RWDD1: variants seen among roughly 807,000 people sequenced by gnomAD.
The protein encoded by RWDD1 is RWD domain containing 1.
In RWDD1, 17 loss-of-function variants were observed where a neutral mutation model predicts 31.6. That is an observed-to-expected ratio of 0.54 (90% CI 0.37 to 0.81). The LOEUF is 0.81. Among genes scored for constraint, RWDD1 ranks in the 30% least tolerant of loss-of-function variants. The pLI is 0.00. For missense variants in RWDD1, 204 were observed against 274.5 expected (o/e 0.74, Z 1.82); for synonymous variants, 78 against 94.2 (o/e 0.83, Z 0.99).
chr6:116,578,489 A>T (rs1333711593), intron 1 of RWDD1, among the ~76,000 whole-genome samples: 1 of 152,228 alleles, frequency 6.6e-6, no homozygotes, highest in Non-Finnish European at 1.5e-5. Flanking sequence ...CCCCTGACCT[A>T]TAGCCTCAGG....
At chr6:116,583,750 A>C (rs1357179238) in intron 2 of RWDD1, among the ~76,000 whole-genome samples, 2 of 152,224 alleles carry the variant, frequency 1.3e-5, no homozygotes, top group Non-Finnish European at 2.9e-5. Context: ...AAAATGTGCT[A>C]ATAAAAGAAG....
rs1160212333 is a variant in RWDD1 at position 116,596,949 on chromosome 6, T to TA, written c.*3848_*3849insA. On this transcript the variant is annotated 3_prime_UTR_variant, in exon 7 of 7. Coordinates refer to ENST00000466444, the MANE Select transcript of RWDD1 (RefSeq NM_015952.4). The stretch of plus-strand genomic sequence containing the variant: ...TGTAGCCACGCCAACAAATTTATTC[T>TA]GTGATATACCAAACTTACAAAGTCA... 1.3e-5 allele frequency: 2 copies of TA among 152,206 alleles called. No individual in the cohort carries two copies. Among genetic ancestry groups the TA allele is most frequent in the African/African-American group, 2.4e-5 (1 of 41,456 alleles). The allele number at this position is 152,206 out of a possible 1,614,324, so 9.4% of individuals were successfully genotyped here.
Position 116,590,912 on chromosome 6 carries a change from A to C in RWDD1, c.572A>C (p.His191Pro), listed in dbSNP as rs1237020369. 1 of 1,569,546 alleles carries C rather than the reference A, an allele frequency of 6.4e-7. No homozygotes were observed. The highest frequency in any genetic ancestry group is 8.6e-7 in the Non-Finnish European group (1 of 1,166,174). ...GGGAAACAACTATTTGAAACAGATC[A>C]TAATCTTGACACATCTGATATCCAG... ...LSGKQLFETDHNLDTSDIQFL... is the reference protein window; with the variant it reads ...LSGKQLFETDPNLDTSDIQFL... Residue 191 changes from histidine to proline, a missense_variant, in exon 6 of 7, where the codon CAT becomes CCT. Transcript: ENST00000466444.
rs539659535 is a variant in RWDD1 at position 116,582,603 on chromosome 6, C to T, written c.140-2124C>T. Among the ~76,000 whole-genome samples the T allele has an allele frequency of 5.9e-5, 9 of 152,140 alleles. No individual in the cohort carries two copies. In the South Asian group the frequency reaches 1.9e-3, roughly 32 times the overall value. ...TTCATCCTGTCTTAAACCTTTTATCCTGTAACTGATATCTCCCCATCCCTG... is the reference window on the plus strand; with the variant it reads ...TTCATCCTGTCTTAAACCTTTTATCTTGTAACTGATATCTCCCCATCCCTG... On this transcript the variant is annotated intron_variant, in intron 2 of 6. Transcript: ENST00000466444.
chr6:116,581,286 A>C (rs1434084043), intron 2 of RWDD1, among the ~76,000 whole-genome samples: 1 of 152,104 alleles, frequency 6.6e-6, no homozygotes, highest in African/African-American at 2.4e-5. Flanking sequence ...TCCTTTGTAA[A>C]TAAGCCAGTG....
At chr6:116,580,924 C>T (rs192464096) in intron 2 of RWDD1, among the ~76,000 whole-genome samples, 4 of 152,184 alleles carry the variant, frequency 2.6e-5, no homozygotes, top group East Asian at 3.9e-4. Flanking sequence ...CTTTTAGTCA[C>T]GTTAGTTGAT....
At position 116,590,414 on chromosome 6, in the gene RWDD1, C is replaced by T; in HGVS notation, c.547+10C>T. 1 of 1,575,288 alleles carries T rather than the reference C, an allele frequency of 6.3e-7. No individual in the cohort carries two copies. The highest frequency in any genetic ancestry group is 8.6e-7 in the Non-Finnish European group (1 of 1,167,750). The stretch of plus-strand genomic sequence containing the variant: ...AAAAATAAATTAAGTGGTATGATTC[C>T]CCTGCCATTCCTGTTCTTCCTAAAC... On this transcript the variant is annotated intron_variant, in intron 5 of 6. Coordinates refer to ENST00000466444, the MANE Select transcript of RWDD1 (RefSeq NM_015952.4).
chr6:116,587,854 G>A (rs553655992), intron 3 of RWDD1, among the ~76,000 whole-genome samples: 3 of 152,194 alleles, frequency 2.0e-5, no homozygotes, highest in East Asian at 1.9e-4. Flanking sequence ...CTTAAATGAC[G>A]TTTAGGAATA....
chr6:116,587,783 G>A (rs1387837497), intron 3 of RWDD1, among the ~76,000 whole-genome samples: 1 of 151,998 alleles, frequency 6.6e-6, no homozygotes, highest in Non-Finnish European at 1.5e-5. Context: ...GGAGTTTCTT[G>A]TATTCCAAGC....
At chr6:116,572,983 T>C (rs1275436099) in intron 1 of RWDD1, 1 of 985,412 alleles carries the variant, frequency 1.0e-6, no homozygotes, top group East Asian at 1.1e-4. Flanking sequence ...TGTCATTAAC[T>C]GGGTGAGTGT....
chr6:116,582,567 A>G (rs1199881184), intron 2 of RWDD1, among the ~76,000 whole-genome samples: 2 of 152,106 alleles, frequency 1.3e-5, no homozygotes, highest in Non-Finnish European at 2.9e-5. Context: ...ACTACAATAG[A>G]TCTGAAGTTA....
chr6:116,573,083 A>T, intron 1 of RWDD1: 3 of 812,620 alleles, frequency 3.7e-6, no homozygotes, highest in Non-Finnish European at 4.5e-6. Context: ...ATTCTTAATC[A>T]TGTTTGGTCA....
At position 116,588,836 on chromosome 6, in the gene RWDD1, A is replaced by G. The variant is rs1267275668; in HGVS notation, c.271-6A>G. ...TTATTCCTCATCACCTTTTTGTGTT[A>G]CACAGGCTGAAGAAAATCTTGGTAT... On this transcript the variant is annotated splice_polypyrimidine_tract_variant and splice_region_variant and intron_variant, in intron 3 of 6. Coordinates refer to ENST00000466444, the MANE Select transcript of RWDD1 (RefSeq NM_015952.4). The G allele has an allele frequency of 6.5e-7, 1 of 1,529,296 alleles. No individual in the cohort carries two copies. Among genetic ancestry groups the G allele is most frequent in the Admixed American group, 2.4e-5 (1 of 41,464 alleles). 94.7% of individuals were successfully genotyped at this position (1,529,296 alleles called of 1,614,324 possible). A position where few individuals can be genotyped will look rare whatever the true frequency, so the allele number is the denominator to read the frequency against.
At chr6:116,585,171 T>G (rs566179442) in intron 3 of RWDD1, among the ~76,000 whole-genome samples, 1 of 152,312 alleles carries the variant, frequency 6.6e-6, no homozygotes, top group East Asian at 1.9e-4. Context: ...TTAGAATGCC[T>G]AGTCCCATAT....
intron 1 of RWDD1, among the ~76,000 whole-genome samples, chr6:116,577,274 A>G (rs954158143): frequency 1.3e-5 from 2 of 151,070 alleles, no homozygotes; most frequent in Non-Finnish European, 3.0e-5. Flanking sequence ...TGCTCTTGAA[A>G]CTCACTTCCC....
intron 1 of RWDD1, among the ~76,000 whole-genome samples, chr6:116,578,019 T>C (rs1434098001): frequency 6.6e-6 from 1 of 152,178 alleles, no homozygotes; most frequent in Non-Finnish European, 1.5e-5. Flanking sequence ...GTGCCACCCA[T>C]GATTGACAGC....
chr6:116,595,607 AAAAC>A lies in RWDD1; in HGVS notation c.*2512_*2515del, dbSNP rs1156891920. ...GTTGTATTAAAATGTCACTAGGTTA[AAAAC>A]AAACACAGATATGTTTATTCATTAC... On this transcript the variant is annotated 3_prime_UTR_variant, in exon 7 of 7. Coordinates refer to ENST00000466444, the MANE Select transcript of RWDD1 (RefSeq NM_015952.4). The A allele has an allele frequency of 2.0e-5, 3 of 152,202 alleles. No individual in the cohort carries two copies. Among genetic ancestry groups the A allele is most frequent in the Non-Finnish European group, 4.4e-5 (3 of 68,026 alleles). The allele number at this position is 152,202 out of a possible 1,614,324, so 9.4% of individuals were successfully genotyped here.
At chr6:116,575,081 T>C (rs906203251) in intron 1 of RWDD1, among the ~76,000 whole-genome samples, 1 of 151,932 alleles carries the variant, frequency 6.6e-6, no homozygotes, top group Non-Finnish European at 1.5e-5. Flanking sequence ...AGCTTTACTC[T>C]TTTTCTCAAA....
At chr6:116,572,885 A>G (rs1774768664) in intron 1 of RWDD1, 2 of 985,324 alleles carry the variant, frequency 2.0e-6, no homozygotes, top group Non-Finnish European at 2.4e-6. Context: ...ATCCCTGTAT[A>G]GCTCCAGTCC....
Sources: gnomAD v4.1 joint callset for allele counts (sites outside exome capture counted in the v4.1 genomes callset) on GRCh38, gnomAD v4.1.1 for gene constraint, MANE v1.5 for transcripts, NCBI Gene and HGNC (gene_info 2026-07-23, HGNC 2026-07-21) for gene names.